DHX57: variants seen among roughly 807,000 people sequenced by gnomAD.
The protein encoded by DHX57 is putative ATP-dependent RNA helicase DHX57.
DHX57 carries 105 observed loss-of-function variants against 156.2 expected under a neutral mutation model. The ratio of observed to expected loss-of-function variants is 0.67; its 90% CI spans 0.57 to 0.79. DHX57 has a LOEUF of 0.79. Among genes scored for constraint, DHX57 ranks in the 30% least tolerant of loss-of-function variants. DHX57 has a pLI of 0.00. For missense variants in DHX57, 1,847 were observed against 1,661.9 expected (o/e 1.11, Z -1.94); for synonymous variants, 704 against 595.6 (o/e 1.18, Z -2.65).
intron 15 of DHX57, 108 bp downstream of exon 15, chr2:38,826,408 T>G (rs1423044237): frequency 7.5e-7 from 1 of 1,334,488 alleles, no homozygotes; most frequent in Non-Finnish European, 1.0e-6. Flanking sequence ...ACAAAGTATT[T>G]TTTCATACAG....
intron 2 of DHX57, chr2:38,866,978 A>G (rs1665108967): frequency 2.0e-5 from 3 of 152,284 alleles, no homozygotes; most frequent in African/African-American, 4.8e-5. Context: ...TGACTCACCC[A>G]GAGCAAAATC....
At chr2:38,874,883 C>A (rs1665535593) in intron 1 of DHX57, among the ~76,000 whole-genome samples, 1 of 152,054 alleles carries the variant, frequency 6.6e-6, no homozygotes, top group Non-Finnish European at 1.5e-5. Context: ...TAAGGTTGTG[C>A]ACCAATAATT....
intron 12 of DHX57, among the ~76,000 whole-genome samples, chr2:38,838,306 G>T (rs1572667389): frequency 6.6e-6 from 1 of 152,072 alleles, no homozygotes; most frequent in African/African-American, 2.4e-5. Context: ...TTGCTGTGTT[G>T]CCCAGGCTGG....
rs182406808 is a variant in DHX57, at chr2:38,864,888, A to G, written c.225-1369T>C. 8.5e-5 allele frequency among the ~76,000 whole-genome samples: 13 copies of G among 152,320 alleles called. No individual in the cohort carries two copies. The East Asian group carries it at 2.1e-3, about 25-fold the overall frequency. ...ACTACAGCTCTTGTCAAGGTTAACC[A>G]TGATACCCACATTGTCAAATGCAGT... On this transcript the variant is annotated intron_variant, in intron 2 of 23. Coordinates refer to ENST00000457308, the MANE Select transcript of DHX57 (RefSeq NM_198963.3).
intron 17 of DHX57, among the ~76,000 whole-genome samples, chr2:38,820,462 A>G (rs1024220968): frequency 6.3e-4 from 96 of 152,310 alleles, no homozygotes; most frequent in African/African-American, 2.2e-3. Context: ...CTTTATTCCA[A>G]TAAAAGAAAA....
At chr2:38,865,195 G>C (rs1370333340) in intron 2 of DHX57, among the ~76,000 whole-genome samples, 1 of 151,748 alleles carries the variant, frequency 6.6e-6, no homozygotes, top group Non-Finnish European at 1.5e-5. Flanking sequence ...ATAATGGTTT[G>C]GCTGCAAGTC....
chr2:38,808,988 A>C (rs1368151023), intron 21 of DHX57, among the ~76,000 whole-genome samples: 1 of 152,018 alleles, frequency 6.6e-6, no homozygotes, highest in Non-Finnish European at 1.5e-5. Context: ...GGCTATACAC[A>C]GGCACAGTCA....
intron 12 of DHX57, among the ~76,000 whole-genome samples, chr2:38,840,515 G>C (rs1306089980): frequency 6.6e-6 from 1 of 151,650 alleles, no homozygotes; most frequent in Non-Finnish European, 1.5e-5. Context: ...CAAATAGTTG[G>C]GACTACAGGT....
intron 13 of DHX57, among the ~76,000 whole-genome samples, chr2:38,829,710 C>T (rs1200734594): frequency 1.3e-5 from 2 of 152,172 alleles, no homozygotes; most frequent in Non-Finnish European, 2.9e-5. Flanking sequence ...TGCACCACCA[C>T]ACCTGACCTT....
intron 20 of DHX57, among the ~76,000 whole-genome samples, chr2:38,814,444 A>T (rs1339922131): frequency 6.6e-6 from 1 of 152,240 alleles, no homozygotes; most frequent in Admixed American, 6.5e-5. Flanking sequence ...GCAAAGCGTT[A>T]CAAAGCCAGT....
chr2:38,861,181 G>A lies in DHX57; in HGVS notation c.1229C>T (p.Ser410Phe), dbSNP rs11893062. 0.063 allele frequency: 102,009 copies of A among 1,614,046 alleles called. 3,899 individuals carry two copies. The highest frequency in any genetic ancestry group is 0.074 in the Non-Finnish European group (87,754 of 1,180,006). Residue 410 changes from serine (S) to phenylalanine (F), a missense_variant, in exon 5 of 24, where the codon TCT (serine) becomes TTT (phenylalanine). By Grantham distance (155) the Ser-to-Phe change is radical (BLOSUM62 -2). Transcript: ENST00000457308. The part of the protein sequence containing the change: ...FAETSEPVVY[S>F]LITLLEEESE... ...CTCTTCCTCTAAAAGGGTTATCAAA[G>A]AATATACGACAGGTTCCGAAGTTTC...
Position 38,847,073 on chromosome 2 carries a change from C to A in DHX57, c.2165G>T (p.Gly722Val). The change falls in exon 11 of 24, where the codon GGT becomes GTT. Residue 722 changes from glycine to valine, a missense_variant and splice_region_variant. Coordinates refer to ENST00000457308, the MANE Select transcript of DHX57 (RefSeq NM_198963.3). Reference protein sequence around the residue: ...FNSCPVITIPGRTFPVDQFFL... With the variant: ...FNSCPVITIPVRTFPVDQFFL... ...AAATTGATCAACAGGAAATGTACGA[C>A]CTAGAAAAACAAGGAGACAAAATAG... is the stretch of plus-strand genomic sequence containing the variant. The A allele has an allele frequency of 6.2e-7, 1 of 1,612,876 alleles. No homozygotes were observed. Among genetic ancestry groups the A allele is most frequent in the Non-Finnish European group, 8.5e-7 (1 of 1,179,216 alleles).
chr2:38,867,624 T>C (rs569006890), intron 2 of DHX57, among the ~76,000 whole-genome samples: 1 of 152,182 alleles, frequency 6.6e-6, no homozygotes, highest in African/African-American at 2.4e-5. Context: ...AGTGGTGTGA[T>C]CTCAGCTCAC....
chr2:38,809,202 C>T lies in DHX57; in HGVS notation c.3682-2509G>A, dbSNP rs151086172. ...TGGCACAATCACGGCTCACTGCAGC[C>T]TCAATTTCCTAGGCTCAAGTTATCC... On this transcript the variant is annotated intron_variant, in intron 21 of 23. Coordinates refer to ENST00000457308, the MANE Select transcript of DHX57 (RefSeq NM_198963.3). Among the ~76,000 whole-genome samples, 78 of 152,252 alleles carry T rather than the reference C, an allele frequency of 5.1e-4. 1 individual carries two copies. The highest frequency in any genetic ancestry group is 2.3e-3 in the South Asian group (11 of 4,822).
At chr2:38,830,413 A>C (rs1324402349) in intron 13 of DHX57, among the ~76,000 whole-genome samples, 4 of 152,062 alleles carry the variant, frequency 2.6e-5, no homozygotes, top group Non-Finnish European at 5.9e-5. Flanking sequence ...GGATCACCTG[A>C]GGTCAAGAGT....
rs1670916207 is a variant in DHX57 at position 38,823,192 on chromosome 2, T to C, written c.3092A>G (p.Asp1031Gly). The C allele has an allele frequency of 6.2e-7, 1 of 1,614,024 alleles. No homozygotes were observed. Among genetic ancestry groups the C allele is most frequent in the Non-Finnish European group, 8.5e-7 (1 of 1,180,036 alleles). The change falls in exon 17 of 24, where the codon GAT becomes GGT. Residue 1031 changes from aspartate (D) to glycine (G), a missense_variant. Coordinates refer to ENST00000457308, the MANE Select transcript of DHX57 (RefSeq NM_198963.3). ...FSRLIEPPHT[D>G]SLRASKIRLR... ...TCGTATTTTTGAGGCACGAAGAGAA[T>C]CGGTGTGTGGAGGTTCAATGAGCCG...
intron 12 of DHX57, among the ~76,000 whole-genome samples, chr2:38,838,204 T>A (rs1277928472): frequency 2.0e-5 from 3 of 152,180 alleles, no homozygotes; most frequent in Non-Finnish European, 1.5e-5. Context: ...GCTCAAGTGA[T>A]CCTCCGATCT....
chr2:38,808,524 T>C (rs978213765), intron 21 of DHX57, among the ~76,000 whole-genome samples: 1 of 152,198 alleles, frequency 6.6e-6, no homozygotes, highest in South Asian at 2.1e-4. Flanking sequence ...TTTATAATAA[T>C]TTAACCAATA....
At chr2:38,833,573 T>C (rs1434818251) in intron 13 of DHX57, among the ~76,000 whole-genome samples, 4 of 152,244 alleles carry the variant, frequency 2.6e-5, no homozygotes, top group South Asian at 2.1e-4. Context: ...GAGTATTCAT[T>C]CTAGGGATAA....
Sources: gnomAD v4.1 joint callset for allele counts (sites outside exome capture counted in the v4.1 genomes callset) on GRCh38, gnomAD v4.1.1 for gene constraint, MANE v1.5 for transcripts, NCBI Gene and HGNC (gene_info 2026-07-23, HGNC 2026-07-21) for gene names.